Variants in GLRA3 observed in about 807,000 individuals in gnomAD.
GLRA3 encodes the protein glycine receptor subunit alpha-3.
In GLRA3, 44 loss-of-function variants were observed where a neutral mutation model predicts 60.4. The observed-to-expected ratio is 0.73, with a 90% CI of 0.57 to 0.94. The LOEUF is 0.94. GLRA3 is among the 40% of genes least tolerant of loss of function. The pLI is 0.00. For missense variants in GLRA3, 508 were observed against 564.6 expected, an observed-to-expected ratio of 0.90 and a Z score of 1.02; for synonymous variants, 223 against 192.9, an observed-to-expected ratio of 1.16 and a Z score of -1.29.
At chr4:174,692,948 A>AT (rs1734914539) in intron 5 of GLRA3, among the ~76,000 whole-genome samples, 1 of 101,476 alleles carries the variant, frequency 9.9e-6, no homozygotes, top group African/African-American at 3.3e-5. Flanking sequence ...AAAAAAAAAT[A>AT]AAAAAAAAAA....
intron 5 of GLRA3, among the ~76,000 whole-genome samples, chr4:174,713,938 C>T (rs768818071): frequency 2.0e-5 from 3 of 152,256 alleles, no homozygotes; most frequent in Non-Finnish European, 4.4e-5. Context: ...TCAACATTTG[C>T]TTCTCATCCC....
intron 1 of GLRA3, 96 bp downstream of exon 1, chr4:174,828,645 G>A (rs1430663032): frequency 1.3e-6 from 1 of 761,746 alleles, no homozygotes; most frequent in Admixed American, 1.9e-5. Context: ...AGTCAATATA[G>A]AATTGCAAAT....
chr4:174,803,118 T>G (rs1739892371), intron 1 of GLRA3, among the ~76,000 whole-genome samples: 1 of 152,246 alleles, frequency 6.6e-6, no homozygotes, highest in African/African-American at 2.4e-5. Context: ...CTTTATACAA[T>G]TTATTGGTTT....
At chr4:174,719,914 TTTC>T (rs1488390902) in intron 4 of GLRA3, among the ~76,000 whole-genome samples, 2 of 152,240 alleles carry the variant, frequency 1.3e-5, no homozygotes, top group Non-Finnish European at 2.9e-5. Flanking sequence ...ATAAGTTTGC[TTTC>T]TTATTTAAAA....
At chr4:174,792,222 C>CTAA (rs1281887058) in intron 1 of GLRA3, among the ~76,000 whole-genome samples, 1 of 152,108 alleles carries the variant, frequency 6.6e-6, no homozygotes, top group African/African-American at 2.4e-5. Flanking sequence ...GAACAGGTGG[C>CTAA]TAATGCAACA....
At chr4:174,737,775 G>A (rs761317881) in intron 3 of GLRA3, among the ~76,000 whole-genome samples, 1 of 152,150 alleles carries the variant, frequency 6.6e-6, no homozygotes, top group Non-Finnish European at 1.5e-5. Context: ...ATCTCCCAAA[G>A]TGCTGGGATT....
intron 5 of GLRA3, among the ~76,000 whole-genome samples, chr4:174,692,116 C>T (rs550078723): frequency 6.6e-6 from 1 of 151,528 alleles, no homozygotes; most frequent in African/African-American, 2.4e-5. Flanking sequence ...CTCCGCCTGG[C>T]AACTGCCCCG....
chr4:174,793,976 T>C (rs180671254), intron 1 of GLRA3, among the ~76,000 whole-genome samples: 1 of 152,266 alleles, frequency 6.6e-6, no homozygotes, highest in South Asian at 2.1e-4. Context: ...GACAAAAAAG[T>C]AATTTTATTT....
chr4:174,828,516 G>T (rs1578951184), intron 1 of GLRA3, among the ~76,000 whole-genome samples: 1 of 152,206 alleles, frequency 6.6e-6, no homozygotes, highest in Non-Finnish European at 1.5e-5. Context: ...TGCAAATAAC[G>T]CAAGATGCCA....
intron 2 of GLRA3, among the ~76,000 whole-genome samples, chr4:174,773,314 T>TG (rs1738466015): frequency 4.9e-5 from 1 of 20,338 alleles, no homozygotes; most frequent in Admixed American, 4.5e-4. Context: ...CGTTTAGATG[T>TG]TTTTTTTTTT....
chr4:174,772,141 TA>T (rs1738414174), intron 2 of GLRA3, among the ~76,000 whole-genome samples: 1 of 152,120 alleles, frequency 6.6e-6, no homozygotes, highest in Non-Finnish European at 1.5e-5. Context: ...ATGGATGAAA[TA>T]CAGAAAATAA....
chr4:174,769,745 A>C (rs1738306833), intron 2 of GLRA3, among the ~76,000 whole-genome samples: 1 of 152,034 alleles, frequency 6.6e-6, no homozygotes, highest in Non-Finnish European at 1.5e-5. Context: ...ATGCTCCAGT[A>C]ATGTTTTGAC....
At chr4:174,767,150 ACAC>A in intron 2 of GLRA3, 120 bp from the exon 3 acceptor site, 3 of 583,744 alleles carry the variant, frequency 5.1e-6, no homozygotes, top group Non-Finnish European at 9.3e-6. Context: ...ACACACACAC[ACAC>A]ACAGATGCTT....
At chr4:174,666,752 ATATATAT>A (rs1432696301) in intron 7 of GLRA3, among the ~76,000 whole-genome samples, 1 of 76,476 alleles carries the variant, frequency 1.3e-5, no homozygotes, top group Non-Finnish European at 2.3e-5. Flanking sequence ...ATATATATAT[ATATATAT>A]TATATATATA....
chr4:174,694,978 G>C (rs1238559793), intron 5 of GLRA3, among the ~76,000 whole-genome samples: 1 of 151,916 alleles, frequency 6.6e-6, no homozygotes, highest in Non-Finnish European at 1.5e-5. Flanking sequence ...AACCTAGAAG[G>C]GGTGCTTAAA....
chr4:174,824,741 T>G (rs1048573160), intron 1 of GLRA3, among the ~76,000 whole-genome samples: 5 of 152,158 alleles, frequency 3.3e-5, no homozygotes, highest in African/African-American at 7.2e-5. Context: ...GTACCAAGGT[T>G]TCTTGATAGT....
At chr4:174,778,760 C>T (rs868332121) in intron 2 of GLRA3, among the ~76,000 whole-genome samples, 2 of 152,212 alleles carry the variant, frequency 1.3e-5, no homozygotes, top group African/African-American at 4.8e-5. Context: ...TGCGCTTTTC[C>T]GACAGGCTTA....
chr4:174,823,710 T>C (rs757067192), intron 1 of GLRA3, among the ~76,000 whole-genome samples: 42 of 152,178 alleles, frequency 2.8e-4, no homozygotes, highest in Non-Finnish European at 5.3e-4. Context: ...GAAAATGTCC[T>C]GAGAAAACTT....
rs149529771 is a variant in GLRA3 at position 174,729,587 on chromosome 4, G to A, written c.268-889C>T. Reference sequence around the variant, plus strand: ...TTATTGCTCACAATTTTGGACTAACGCGTAGAATGACAAATGTTGACAGCT... The same window carrying A: ...TTATTGCTCACAATTTTGGACTAACACGTAGAATGACAAATGTTGACAGCT... On this transcript the variant is annotated intron_variant, in intron 3 of 9. Coordinates refer to ENST00000274093, the MANE Select transcript of GLRA3 (RefSeq NM_006529.4). Among the ~76,000 whole-genome samples the A allele has an allele frequency of 8.9e-3, 1,352 of 152,272 alleles. 21 individuals are homozygous for A. The highest frequency in any genetic ancestry group is 0.031 in the African/African-American group (1,271 of 41,548).
Sources: allele counts gnomAD v4.1 joint callset (sites outside exome capture counted in the v4.1 genomes callset), GRCh38; gene constraint gnomAD v4.1.1; transcripts MANE v1.5; gene names NCBI Gene and HGNC (gene_info 2026-07-23, HGNC 2026-07-21).